The following MORC4 variants were observed in gnomAD, a reference collection of about 807,000 sequenced individuals.
MORC4 encodes MORC family CW-type zinc finger protein 4.
MORC4 carries 22 observed loss-of-function variants against 65.5 expected under a neutral mutation model. The ratio of observed to expected loss-of-function variants is 0.34; its 90% CI spans 0.24 to 0.48. The LOEUF (loss-of-function observed/expected upper bound fraction) is 0.48, where lower values mean the gene tolerates loss of function less well. Ranked by LOEUF, MORC4 falls within the 20% of genes least tolerant of loss-of-function variation. The pLI is 0.99. For synonymous variants in MORC4, 267 were observed against 255.8 expected, an observed-to-expected ratio of 1.04 and a Z score of -0.42; for missense variants, 624 against 703.0, an observed-to-expected ratio of 0.89 and a Z score of 1.27.
intron 9 of MORC4, among the ~76,000 whole-genome samples, chrX:106,973,485 G>A (rs1373920786): frequency 1.8e-5 from 2 of 111,258 alleles, no homozygotes; most frequent in African/African-American, 6.5e-5. Flanking sequence ...CGTTGGGACG[G>A]GGTGAATATA....
intron 5 of MORC4, among the ~76,000 whole-genome samples, chrX:106,982,169 C>T (rs1906679679): frequency 2.7e-5 from 3 of 111,977 alleles, no homozygotes; most frequent in Admixed American, 9.5e-5. Flanking sequence ...TTGGAAAAAA[C>T]TCAAATGACA....
chrX:106,979,961 T>C (rs1032049754), intron 7 of MORC4, among the ~76,000 whole-genome samples: 1 of 110,611 alleles, frequency 9.0e-6, no homozygotes, highest in African/African-American at 3.3e-5. Context: ...AGCCAAGATA[T>C]GTGTTCTCAA....
At chrX:106,956,689 C>T (rs941395748) in intron 12 of MORC4, among the ~76,000 whole-genome samples, 155 bp from the exon 13 acceptor site, 2 of 111,176 alleles carry the variant, frequency 1.8e-5, no homozygotes, top group Admixed American at 9.6e-5. Context: ...AACTAGGCTA[C>T]TGAAGTGAGA....
chrX:106,993,587 C>T (rs1256064442), intron 2 of MORC4, among the ~76,000 whole-genome samples: 1 of 111,879 alleles, frequency 8.9e-6, no homozygotes, highest in Non-Finnish European at 1.9e-5. Context: ...TTCATACGAG[C>T]GATATGCAAT....
rs968217279 is a variant in MORC4, at chrX:106,941,874, G to A, written c.2660+64C>T. 5 of 1,083,271 alleles carry A rather than the reference G, an allele frequency of 4.6e-6. No individual in the cohort carries two copies. In the African/African-American group the frequency reaches 7.5e-5, roughly 16 times the overall value. The allele number at this position is 1,083,271 out of a possible 1,213,427, so 89.3% of individuals were successfully genotyped here. ...CCTCCTTTGTCTACGGCCAGTAAGT[G>A]GGGGTCCTAAGGGATGCTTCCCATT... On this transcript the variant is annotated intron_variant, in intron 16 of 16. Transcript: ENST00000355610.
intron 14 of MORC4, among the ~76,000 whole-genome samples, chrX:106,953,842 G>A (rs947715825): frequency 8.9e-6 from 1 of 112,036 alleles, no homozygotes; most frequent in Non-Finnish European, 1.9e-5. Context: ...TTCACTTCCC[G>A]GCTGGGTGTG....
intron 16 of MORC4, 66 bp from the exon 17 acceptor site, chrX:106,941,698 G>GA: frequency 1.9e-6 from 2 of 1,070,383 alleles, no homozygotes; most frequent in Middle Eastern, 3.2e-4. Flanking sequence ...AGAATAAAAT[G>GA]AAGCCCCTTC....
intron 6 of MORC4, 68 bp from the exon 7 acceptor site, chrX:106,981,087 A>T: frequency 3.5e-6 from 4 of 1,137,816 alleles, no homozygotes; most frequent in Non-Finnish European, 4.8e-6. Context: ...ATCCCCATAA[A>T]ACACTGCTAC....
At position 106,957,061 on chromosome X, in the gene MORC4, C is replaced by G. The variant is rs979968979; in HGVS notation, c.1386-57G>C. The stretch of plus-strand genomic sequence containing the variant: ...AAAAAACTGGGTCCTTCACTTTTAC[C>G]TTTTAATTTCCTTATAACTATGCAG... On this transcript the variant is annotated intron_variant, in intron 11 of 16. Coordinates refer to ENST00000355610, the MANE Select transcript of MORC4 (RefSeq NM_024657.5). 111 of 761,947 alleles carry G rather than the reference C, an allele frequency of 1.5e-4. No individual in the cohort carries two copies. The African/African-American group carries it at 2.1e-3, about 15-fold the overall frequency. The allele number at this position is 761,947 out of a possible 1,213,427, so 62.8% of individuals were successfully genotyped here.
intron 9 of MORC4, among the ~76,000 whole-genome samples, chrX:106,969,522 T>G (rs966839776): frequency 1.8e-5 from 2 of 111,316 alleles, no homozygotes; most frequent in South Asian, 3.7e-4. Context: ...CTTCAAAAAT[T>G]CAATGAATCT....
At chrX:106,981,874 C>G (rs1934751106) in intron 5 of MORC4, among the ~76,000 whole-genome samples, 1 of 111,915 alleles carries the variant, frequency 8.9e-6, no homozygotes, top group South Asian at 3.7e-4. Context: ...AATCAAAACC[C>G]ACTTCTACCA....
intron 1 of MORC4, 29 bp from the exon 2 acceptor site, chrX:106,999,778 G>C (rs751126909): frequency 1.9e-6 from 2 of 1,041,556 alleles, no homozygotes; most frequent in Non-Finnish European, 2.5e-6. Flanking sequence ...CCCGACCCGC[G>C]TGAGGCCTCG....
intron 2 of MORC4, among the ~76,000 whole-genome samples, chrX:106,996,894 C>A (rs771321808): frequency 1.6e-4 from 18 of 112,119 alleles, no homozygotes; most frequent in African/African-American, 4.5e-4. Flanking sequence ...GACAGCCTCC[C>A]AGGAGAGATA....
chrX:106,969,549 G>T (rs7888989), intron 9 of MORC4, among the ~76,000 whole-genome samples: 3,342 of 111,201 alleles, frequency 0.03, 129 homozygotes, highest in African/African-American at 0.1. Flanking sequence ...CTGATTTTTC[G>T]AAAAGAGCAA....
At chrX:106,994,000 G>T (rs1935029803) in intron 2 of MORC4, among the ~76,000 whole-genome samples, 1 of 112,153 alleles carries the variant, frequency 8.9e-6, no homozygotes, top group Non-Finnish European at 1.9e-5. Context: ...TTTTGCTTAG[G>T]TATTTTGTAA....
At chrX:106,995,359 G>C (rs975266820) in intron 2 of MORC4, among the ~76,000 whole-genome samples, 10 of 111,674 alleles carry the variant, frequency 9.0e-5, no homozygotes, top group Admixed American at 1.9e-4. Context: ...GAGCCTCCCG[G>C]TCACACCCTG....
chrX:106,944,639 T>C (rs1433277124), intron 14 of MORC4, among the ~76,000 whole-genome samples: 1 of 111,405 alleles, frequency 9.0e-6, no homozygotes, highest in Admixed American at 9.6e-5. Flanking sequence ...ACCCCCAGTA[T>C]TGAATTTCCA....
intron 3 of MORC4, among the ~76,000 whole-genome samples, chrX:106,991,824 G>A (rs773498845): frequency 1.6e-3 from 178 of 111,403 alleles, no homozygotes; most frequent in Non-Finnish European, 3.0e-3. Context: ...AGAATCATTT[G>A]AAACCAGGAG....
At chrX:106,995,609 T>G (rs1348142504) in intron 2 of MORC4, among the ~76,000 whole-genome samples, 1 of 112,085 alleles carries the variant, frequency 8.9e-6, no homozygotes, top group Non-Finnish European at 1.9e-5. Context: ...TATTCCATTG[T>G]GTCTATATAC....
Sources: allele counts gnomAD v4.1 joint callset (sites outside exome capture counted in the v4.1 genomes callset), GRCh38; gene constraint gnomAD v4.1.1; transcripts MANE v1.5; gene names NCBI Gene and HGNC (gene_info 2026-07-23, HGNC 2026-07-21).